The following GRIK2 variants were observed in gnomAD, a reference collection of about 807,000 sequenced individuals.
GRIK2 encodes glutamate ionotropic receptor kainate type subunit 2, also known as glutamate receptor ionotropic, kainate 2.
A neutral mutation model predicts 100.3 loss-of-function variants in GRIK2; 32 were observed. That is an observed-to-expected ratio of 0.32 (90% CI 0.24 to 0.43). The LOEUF is 0.43. Ranked by LOEUF, GRIK2 falls within the 20% of genes least tolerant of loss-of-function variation. GRIK2 has a pLI of 1.00. For synonymous variants in GRIK2, 417 were observed against 389.4 expected, an observed-to-expected ratio of 1.07 and a Z score of -0.83; for missense variants, 843 against 1,114.9, an observed-to-expected ratio of 0.76 and a Z score of 3.47.
intron 7 of GRIK2, among the ~76,000 whole-genome samples, chr6:101,755,261 G>A (rs1303079926): frequency 6.7e-6 from 1 of 148,904 alleles, no homozygotes; most frequent in East Asian, 2.0e-4. Context: ...CCGCTTCCCG[G>A]GTTCACGCCA....
At chr6:101,434,039 C>T (rs911788506) in intron 2 of GRIK2, among the ~76,000 whole-genome samples, 9 of 152,202 alleles carry the variant, frequency 5.9e-5, no homozygotes, top group South Asian at 2.1e-4. Flanking sequence ...CCCGCTGACA[C>T]GGGTATAGAT....
At chr6:101,558,444 G>T (rs767821929) in intron 2 of GRIK2, among the ~76,000 whole-genome samples, 5 of 152,100 alleles carry the variant, frequency 3.3e-5, no homozygotes, top group African/African-American at 4.8e-5. Flanking sequence ...AGTGGTATTT[G>T]AAAGAATTAG....
chr6:101,758,312 A>AT (rs1457277550), intron 7 of GRIK2, among the ~76,000 whole-genome samples: 2 of 152,258 alleles, frequency 1.3e-5, no homozygotes, highest in African/African-American at 2.4e-5. Context: ...GCATTTTAAT[A>AT]TTTTTTTCAG....
intron 12 of GRIK2, among the ~76,000 whole-genome samples, chr6:101,914,053 G>T (rs773613355): frequency 1.3e-5 from 2 of 151,408 alleles, no homozygotes; most frequent in African/African-American, 2.4e-5. Flanking sequence ...TCAAAAGATA[G>T]GGAGATGTGT....
chr6:101,859,437 G>A lies in GRIK2; in HGVS notation c.1468G>A (p.Ala490Thr), dbSNP rs1784615460. 1.2e-6 allele frequency: 2 copies of A among 1,610,218 alleles called. No homozygotes were observed. The highest frequency in any genetic ancestry group is 1.7e-5 in the Admixed American group (1 of 60,020). ...IRLVEDGKYG[A>T]QDDANGQWNG... ...ACTTGTGGAAGATGGGAAATATGGA[G>A]CCCAGGATGATGCCAATGGACAATG... Residue 490 changes from alanine to threonine, a missense_variant, in exon 11 of 17, where the codon GCC becomes ACC. Around this residue, in one of 3 missense-constraint regions of GRIK2, gnomAD observed 519 missense variants for 643.8 expected, o/e 0.81. Coordinates refer to ENST00000369134, the MANE Select transcript of GRIK2 (RefSeq NM_021956.5).
chr6:101,937,054 A>G (rs2128474434), intron 14 of GRIK2, among the ~76,000 whole-genome samples: 1 of 152,292 alleles, frequency 6.6e-6, no homozygotes, highest in Middle Eastern at 3.4e-3. Context: ...TAAAATATCT[A>G]AGGGACAGAA....
intron 14 of GRIK2, among the ~76,000 whole-genome samples, chr6:101,950,772 A>C (rs1238700476): frequency 1.3e-5 from 2 of 152,168 alleles, no homozygotes; most frequent in Non-Finnish European, 2.9e-5. Context: ...AAGTACTAAC[A>C]GTAGTGGGAG....
At chr6:101,957,863 C>T (rs575757689) in intron 14 of GRIK2, among the ~76,000 whole-genome samples, 1 of 152,128 alleles carries the variant, frequency 6.6e-6, no homozygotes, top group South Asian at 2.1e-4. Context: ...TTGATGTATT[C>T]TATATTACAT....
chr6:101,819,139 A>C (rs1372539712), intron 10 of GRIK2, among the ~76,000 whole-genome samples: 1 of 152,034 alleles, frequency 6.6e-6, no homozygotes, highest in East Asian at 1.9e-4. Flanking sequence ...CCACTATGTC[A>C]TTTGCAAAAG....
At chr6:102,002,327 A>G (rs1172273096) in intron 14 of GRIK2, among the ~76,000 whole-genome samples, 2 of 147,478 alleles carry the variant, frequency 1.4e-5, no homozygotes, top group Non-Finnish European at 3.0e-5. Flanking sequence ...TACTATATAT[A>G]TTATATATGT....
At chr6:101,448,902 T>C (rs79005973) in intron 2 of GRIK2, among the ~76,000 whole-genome samples, 1,883 of 151,696 alleles carry the variant, frequency 0.012, 30 homozygotes, top group African/African-American at 0.043. Flanking sequence ...CAAGAAAGAT[T>C]ACATCATCCA....
chr6:101,624,722 A>G (rs1032349049), intron 3 of GRIK2, among the ~76,000 whole-genome samples: 1 of 151,806 alleles, frequency 6.6e-6, no homozygotes, highest in Non-Finnish European at 1.5e-5. Flanking sequence ...AGACTATTTC[A>G]TTTTTCAACA....
intron 16 of GRIK2, among the ~76,000 whole-genome samples, chr6:102,065,508 T>C (rs1473535074): frequency 6.6e-6 from 1 of 151,210 alleles, no homozygotes; most frequent in Non-Finnish European, 1.5e-5. Flanking sequence ...GATTTTTTCC[T>C]AAGAAAGTTA....
chr6:101,615,116 T>A (rs1423084103), intron 2 of GRIK2, among the ~76,000 whole-genome samples: 5 of 151,714 alleles, frequency 3.3e-5, no homozygotes, highest in African/African-American at 9.7e-5. Context: ...ATTGTGCCCA[T>A]GAAAAAGAAA....
chr6:101,437,320 T>A (rs1769777468), intron 2 of GRIK2, among the ~76,000 whole-genome samples: 1 of 152,092 alleles, frequency 6.6e-6, no homozygotes, highest in Admixed American at 6.6e-5. Flanking sequence ...TTAGCAAATA[T>A]ATTCCTTTTC....
chr6:101,917,078 C>G (rs1004635486), intron 12 of GRIK2, among the ~76,000 whole-genome samples: 1 of 151,528 alleles, frequency 6.6e-6, no homozygotes, highest in African/African-American at 2.4e-5. Flanking sequence ...TCCTTTCTTC[C>G]TGACATTTAA....
chr6:101,478,308 G>T (rs1772351835), intron 2 of GRIK2, among the ~76,000 whole-genome samples: 1 of 151,844 alleles, frequency 6.6e-6, no homozygotes, highest in Non-Finnish European at 1.5e-5. Flanking sequence ...TTTATTGTTA[G>T]ATCTTCGGGT....
intron 2 of GRIK2, among the ~76,000 whole-genome samples, chr6:101,547,519 T>C (rs539786448): frequency 6.6e-6 from 1 of 152,320 alleles, no homozygotes; most frequent in Non-Finnish European, 1.5e-5. Flanking sequence ...CCTTCCTGTG[T>C]CCATGTGTTC....
chr6:101,927,961 A>G (rs1007562867), intron 13 of GRIK2: 5 of 160,040 alleles, frequency 3.1e-5, no homozygotes, highest in Non-Finnish European at 6.9e-5. Context: ...AAAATGTTTG[A>G]GCTACATGCA....
Sources: gnomAD v4.1 joint callset for allele counts (sites outside exome capture counted in the v4.1 genomes callset) on GRCh38, gnomAD v4.1.1 for gene constraint, gnomAD v4.1.1 regional missense constraint, MANE v1.5 for transcripts, NCBI Gene and HGNC (gene_info 2026-07-23, HGNC 2026-07-21) for gene names.